Variants in PXDC1 observed in about 807,000 individuals in gnomAD.
The protein encoded by PXDC1 is PX domain containing 1.
In PXDC1, 13 loss-of-function variants were observed where a neutral mutation model predicts 24.4. The observed-to-expected ratio is 0.53, with a 90% CI of 0.35 to 0.85. The LOEUF (loss-of-function observed/expected upper bound fraction) is 0.85. PXDC1 is among the 40% of genes least tolerant of loss of function. The pLI, the probability that PXDC1 is intolerant of heterozygous loss-of-function variation, is 0.01. For missense variants in PXDC1, 344 were observed against 309.3 expected (o/e 1.11, Z -0.84); for synonymous variants, 162 against 124.9 (o/e 1.30, Z -1.98).
intron 3 of PXDC1, among the ~76,000 whole-genome samples, chr6:3,729,344 C>T (rs910401835): frequency 3.3e-5 from 5 of 152,094 alleles, no homozygotes; most frequent in African/African-American, 1.2e-4. Context: ...TCCTCCTCGC[C>T]CCCCATAGGA....
chr6:3,751,328 G>A lies in PXDC1; in HGVS notation c.204C>T (p.Arg68=), dbSNP rs1489627404. Residue 68 remains arginine, a synonymous_variant, in exon 1 of 5, where the codon CGC becomes CGT. Transcript: ENST00000380283. ...ADLGRLWQRL[R]DAFPEDRSEL... Reference sequence around the variant, plus strand: ...CGGACCGGTCCTCGGGAAAGGCGTCGCGCAGGCGCTGCCACAGGCGGCCCA... The same window carrying A: ...CGGACCGGTCCTCGGGAAAGGCGTCACGCAGGCGCTGCCACAGGCGGCCCA... The A allele has an allele frequency of 2.6e-6, 4 of 1,549,952 alleles. No homozygotes were observed. Among genetic ancestry groups the A allele is most frequent in the Admixed American group, 1.9e-5 (1 of 52,230 alleles).
Position 3,737,187 on chromosome 6 carries a change from A to T in PXDC1, c.358T>A (p.Ser120Thr), listed in dbSNP as rs1760338414. ...IISMPCKYSR[S>T]EVVLTFFERS... Reference sequence around the variant, plus strand: ...TCGAAGAAGGTGAGCACAACTTCCGATCTAGAATACTGGGGAGAAATGCAG... The same window carrying T: ...TCGAAGAAGGTGAGCACAACTTCCGTTCTAGAATACTGGGGAGAAATGCAG... The change falls in exon 3 of 5, where the codon TCG (serine) becomes ACG (threonine). Residue 120 changes from serine to threonine, a missense_variant. Coordinates refer to ENST00000380283, the MANE Select transcript of PXDC1 (RefSeq NM_183373.4). The surrounding 1 kb of genome is among the most constrained non-coding windows in gnomAD (Gnocchi z 5.5). The T allele has an allele frequency of 6.2e-7, 1 of 1,604,990 alleles. No homozygotes were observed. The highest frequency in any genetic ancestry group is 2.2e-5 in the East Asian group (1 of 44,842).
rs1356763928 is a variant in PXDC1, at chr6:3,728,560, AG to A, written c.467-899del. ...ATACTGGCTGCATGGCATGAGCTAG[AG>A]GGTGGAAGTCTGCGCTCGTCCTTGG... On this transcript the variant is annotated intron_variant, in intron 3 of 4. Coordinates refer to ENST00000380283, the MANE Select transcript of PXDC1 (RefSeq NM_183373.4). The surrounding 1 kb of genome is among the most constrained non-coding windows in gnomAD (Gnocchi z 4.0). 6.6e-6 allele frequency among the ~76,000 whole-genome samples: 1 copy of A among 152,150 alleles called. No individual in the cohort carries two copies. The highest frequency in any genetic ancestry group is 1.5e-5 in the Non-Finnish European group (1 of 68,024).
At position 3,730,743 on chromosome 6, in the gene PXDC1, C is replaced by T. The variant is rs1188819131; in HGVS notation, c.467-3081G>A. On this transcript the variant is annotated intron_variant, in intron 3 of 4. Transcript: ENST00000380283. ...AAGGCTGCATTGAGATTCATTGCTA[C>T]GGGACCAGGGAGCCTGACTTGTAAC... Among the ~76,000 whole-genome samples the T allele has an allele frequency of 3.9e-5, 6 of 152,342 alleles. No homozygotes were observed. In the East Asian group the frequency reaches 7.7e-4, roughly 20 times the overall value.
intron 4 of PXDC1, 95 bp from the exon 5 acceptor site, chr6:3,723,831 T>C: frequency 1.1e-6 from 1 of 936,948 alleles, no homozygotes; most frequent in Non-Finnish European, 1.7e-6. Context: ...CAATGCCCGC[T>C]AGTAAGTGTG....
chr6:3,735,112 A>T (rs1376401436), intron 3 of PXDC1, among the ~76,000 whole-genome samples: 1 of 152,154 alleles, frequency 6.6e-6, no homozygotes, highest in Non-Finnish European at 1.5e-5. Context: ...TGAGCAAAAC[A>T]ATCCTAAAAT....
At chr6:3,749,647 G>A (rs1319322414) in intron 1 of PXDC1, among the ~76,000 whole-genome samples, 1 of 151,908 alleles carries the variant, frequency 6.6e-6, no homozygotes, top group Non-Finnish European at 1.5e-5. Context: ...GCCAGAAGCA[G>A]CTGATGGGAC....
intron 1 of PXDC1, among the ~76,000 whole-genome samples, chr6:3,741,039 A>G (rs1039272286): frequency 3.9e-5 from 6 of 152,244 alleles, no homozygotes; most frequent in African/African-American, 1.4e-4. Flanking sequence ...AGAAGTGGAC[A>G]GGTGTTAGTC....
chr6:3,737,085 T>C lies in PXDC1; in HGVS notation c.460A>G (p.Ile154Val). ...CCTCCTTTGTGGCTCTTACCTGATA[T>C]TTTGACTGGACTTTGAAAGCTGGGT... The part of the protein sequence containing the change: ...IQPSFQSPVK[I>V]SEIMRSNGFC... Residue 154 changes from isoleucine to valine, a missense_variant, in exon 3 of 5, where the codon ATA becomes GTA. Coordinates refer to ENST00000380283, the MANE Select transcript of PXDC1 (RefSeq NM_183373.4). The surrounding 1 kb of genome is among the most constrained non-coding windows in gnomAD (Gnocchi z 5.5). The C allele has an allele frequency of 6.3e-7, 1 of 1,599,650 alleles. No individual in the cohort carries two copies. The highest frequency in any genetic ancestry group is 1.1e-5 in the South Asian group (1 of 90,782).
At chr6:3,731,739 A>G (rs953085054) in intron 3 of PXDC1, among the ~76,000 whole-genome samples, 1 of 152,174 alleles carries the variant, frequency 6.6e-6, no homozygotes, top group Non-Finnish European at 1.5e-5. Flanking sequence ...CTTGTCCCTC[A>G]TGACCGTAGC....
chr6:3,749,312 C>G (rs895790127), intron 1 of PXDC1, among the ~76,000 whole-genome samples: 4 of 151,772 alleles, frequency 2.6e-5, no homozygotes, highest in African/African-American at 9.7e-5. Context: ...CACCGCCCAC[C>G]AGCCCTGCCA....
At position 3,723,080 on chromosome 6, in the gene PXDC1, AG is replaced by A. The variant is rs1759975470; in HGVS notation, c.*538del. 1 of 152,612 alleles carries A rather than the reference AG, an allele frequency of 6.6e-6. No individual in the cohort carries two copies. Among genetic ancestry groups the A allele is most frequent in the South Asian group, 2.1e-4 (1 of 4,834 alleles). 9.5% of individuals were successfully genotyped at this position (152,612 alleles called of 1,614,324 possible). On this transcript the variant is annotated 3_prime_UTR_variant, in exon 5 of 5. Coordinates refer to ENST00000380283, the MANE Select transcript of PXDC1 (RefSeq NM_183373.4). ...CCCAGTTTCCAGATAAAAGATAAAA[AG>A]AAAAAAAAAAAGGCCACATATCCCA... is the stretch of plus-strand genomic sequence containing the variant.
intron 1 of PXDC1, among the ~76,000 whole-genome samples, chr6:3,741,105 C>T (rs1260967762): frequency 6.6e-6 from 1 of 152,264 alleles, no homozygotes; most frequent in Non-Finnish European, 1.5e-5. Context: ...TCGGTCTTCT[C>T]GTCATCACCT....
chr6:3,723,943 C>T (rs1759998857), intron 4 of PXDC1, among the ~76,000 whole-genome samples: 1 of 152,240 alleles, frequency 6.6e-6, no homozygotes, highest in African/African-American at 2.4e-5. Context: ...TCTGCATTTG[C>T]TTAGACAACC....
chr6:3,736,986 C>A, intron 3 of PXDC1, 93 bp downstream of exon 3: 1 of 778,164 alleles, frequency 1.3e-6, no homozygotes, highest in South Asian at 1.5e-5. Flanking sequence ...AAAAGTGTGG[C>A]CCAGCCTCAG....
In PXDC1 at chr6:3,751,309, G is replaced by A; in HGVS notation, c.223C>T (p.Arg75Trp). The stretch of plus-strand genomic sequence containing the variant: ...AGCGGCCCCTGCGCCAGTTCGGACC[G>A]GTCCTCGGGAAAGGCGTCGCGCAGG... ...QRLRDAFPED[R>W]SELAQGPLRQ... Residue 75 changes from arginine (R) to tryptophan (W), a missense_variant, in exon 1 of 5, where the codon CGG (arginine) becomes TGG (tryptophan). Coordinates refer to ENST00000380283, the MANE Select transcript of PXDC1 (RefSeq NM_183373.4). 2.6e-6 allele frequency: 4 copies of A among 1,542,992 alleles called. No individual in the cohort carries two copies. The highest frequency in any genetic ancestry group is 3.5e-6 in the Non-Finnish European group (4 of 1,149,742).
chr6:3,751,433 G>T lies in PXDC1; in HGVS notation c.99C>A (p.Gly33=). ...GGATCTCGAAGAACTCCTCTTCGTC[G>T]CCGCGCCGGCTGACGATGAGCCTGC... ...GIRRLIVSRR[G]DEEEFFEIRT... The change falls in exon 1 of 5, where the codon GGC becomes GGA. Residue 33 remains glycine (G), a synonymous_variant. Coordinates refer to ENST00000380283, the MANE Select transcript of PXDC1 (RefSeq NM_183373.4). The T allele has an allele frequency of 6.3e-7, 1 of 1,589,788 alleles. No homozygotes were observed. Among genetic ancestry groups the T allele is most frequent in the Non-Finnish European group, 8.6e-7 (1 of 1,169,238 alleles).
intron 1 of PXDC1, among the ~76,000 whole-genome samples, chr6:3,745,409 T>C (rs1374307694): frequency 6.6e-6 from 1 of 152,238 alleles, no homozygotes. Flanking sequence ...ATACCACTGC[T>C]TTCGGTACTC....
In PXDC1 at chr6:3,751,396, A is replaced by C. The variant is rs750667362; in HGVS notation, c.136T>G (p.Ser46Ala). The change falls in exon 1 of 5, where the codon TCG becomes GCG. Residue 46 changes from serine (S) to alanine (A), a missense_variant. Ser to Ala is a moderately conservative substitution (Grantham distance 99, BLOSUM62 1). Coordinates refer to ENST00000380283, the MANE Select transcript of PXDC1 (RefSeq NM_183373.4). Reference protein sequence around the residue: ...EEFFEIRTEWSDRSVLYLHRS... With the variant: ...EEFFEIRTEWADRSVLYLHRS... ...TGCAGGTAGAGCACGCTGCGGTCCG[A>C]CCACTCCGTGCGGATCTCGAAGAAC... The C allele has an allele frequency of 1.9e-6, 3 of 1,572,780 alleles. No homozygotes were observed. Among genetic ancestry groups the C allele is most frequent in the Non-Finnish European group, 2.6e-6 (3 of 1,160,432 alleles).
Sources: allele counts gnomAD v4.1 joint callset (sites outside exome capture counted in the v4.1 genomes callset), GRCh38; gene constraint gnomAD v4.1.1; non-coding constraint Gnocchi (gnomAD v3.1); transcripts MANE v1.5; gene names NCBI Gene and HGNC (gene_info 2026-07-23, HGNC 2026-07-21).